Variants in PDE11A observed in about 807,000 individuals in gnomAD.
PDE11A encodes the protein dual 3',5'-cyclic-AMP and -GMP phosphodiesterase 11A.
In PDE11A, 100 loss-of-function variants were observed where a neutral mutation model predicts 100.5. The observed-to-expected ratio is 1.00, with a 90% confidence interval of 0.85 to 1.18. The LOEUF (loss-of-function observed/expected upper bound fraction) is 1.18, where lower values mean the gene tolerates loss of function less well. Among genes scored for constraint, PDE11A ranks in the 50% most tolerant of loss-of-function variants. The probability of loss-of-function intolerance (pLI) is 0.00; values close to 1 mark genes in which losing one functional copy is unlikely to be tolerated. For missense variants in PDE11A, 1,141 were observed against 1,152.6 expected, an observed-to-expected ratio of 0.99 and a Z score of 0.15; for synonymous variants, 381 against 420.8, an observed-to-expected ratio of 0.91 and a Z score of 1.16.
At position 177,641,511 on chromosome 2, in the gene PDE11A, G is replaced by C. The variant is rs944106553; in HGVS notation, c.2647-11949C>G. ...TAGTTACTATATGTGAGAGCAGATG[G>C]AGCTGGCTGTGGAGTCCAGATGGGA... is the stretch of plus-strand genomic sequence containing the variant. On this transcript the variant is annotated intron_variant, in intron 19 of 19. Transcript: ENST00000286063. Among the ~76,000 whole-genome samples, 6 of 151,772 alleles carry C rather than the reference G, an allele frequency of 4.0e-5. 1 individual carries two copies. Among genetic ancestry groups the C allele is most frequent in the Middle Eastern group, 6.4e-3 (2 of 312 alleles).
Position 177,711,810 on chromosome 2 carries a change from A to G in PDE11A, c.2112T>C (p.His704=). The G allele has an allele frequency of 6.2e-7, 1 of 1,611,340 alleles. No individual in the cohort carries two copies. Among genetic ancestry groups the G allele is most frequent in the East Asian group, 2.2e-5 (1 of 44,836 alleles). Residue 704 remains histidine (H), a synonymous_variant, in exon 13 of 20, where the codon CAT becomes CAC. Transcript: ENST00000286063. ...ILAVIVGCLC[H]DLDHRGTNNA... is the part of the protein sequence containing the mutation. ...TGTTGGTTCCCCTGTGGTCGAGGTCATGACACAGGCATCCCACAATCACCG... is the reference window on the plus strand; with the variant it reads ...TGTTGGTTCCCCTGTGGTCGAGGTCGTGACACAGGCATCCCACAATCACCG...
intron 3 of PDE11A, among the ~76,000 whole-genome samples, chr2:177,899,895 C>T (rs1311694294): frequency 6.6e-6 from 1 of 151,218 alleles, no homozygotes; most frequent in South Asian, 2.1e-4. Flanking sequence ...GGAAAGAAAA[C>T]ACATTAATTT....
chr2:177,894,701 C>T (rs2084582101), intron 4 of PDE11A, among the ~76,000 whole-genome samples: 1 of 152,148 alleles, frequency 6.6e-6, no homozygotes, highest in Non-Finnish European at 1.5e-5. Context: ...GACCTAACAC[C>T]ATGTAAGGCA....
At chr2:177,759,279 T>C (rs986993790) in intron 10 of PDE11A, among the ~76,000 whole-genome samples, 1 of 152,158 alleles carries the variant, frequency 6.6e-6, no homozygotes, top group African/African-American at 2.4e-5. Flanking sequence ...AAATTTACCT[T>C]GAGAGTTTTA....
chr2:177,786,985 C>A (rs892038384), intron 9 of PDE11A, among the ~76,000 whole-genome samples: 1 of 146,652 alleles, frequency 6.8e-6, no homozygotes, highest in Non-Finnish European at 1.5e-5. Flanking sequence ...TCCAGGAGAA[C>A]TTCCCCAATC....
At chr2:177,652,500 AT>A (rs990621484) in intron 19 of PDE11A, among the ~76,000 whole-genome samples, 1 of 152,040 alleles carries the variant, frequency 6.6e-6, no homozygotes, top group Non-Finnish European at 1.5e-5. Flanking sequence ...GCCAACTAAG[AT>A]TTTTTTCCTG....
At chr2:178,053,805 G>A (rs1263874018) in intron 1 of PDE11A, among the ~76,000 whole-genome samples, 4 of 152,120 alleles carry the variant, frequency 2.6e-5, no homozygotes, top group Non-Finnish European at 2.9e-5. Flanking sequence ...CAACTTACAA[G>A]GGACGTGAAG....
Position 178,086,668 on chromosome 2 carries a change from T to A in PDE11A, c.162+17634A>T, listed in dbSNP as rs139627664. On this transcript the variant is annotated intron_variant, in intron 2 of 20. Coordinates refer to the PDE11A transcript ENST00000358450. Reference sequence around the variant, plus strand: ...AAAACAGAAAGATTCCATTTAAAAATTTTTATTTTATATGATTGTTGCAGT... The same window carrying A: ...AAAACAGAAAGATTCCATTTAAAAAATTTTATTTTATATGATTGTTGCAGT... Among the ~76,000 whole-genome samples the A allele has an allele frequency of 1.4e-4, 22 of 152,322 alleles. No homozygotes were observed. In the East Asian group the frequency reaches 4.0e-3, roughly 28 times the overall value.
chr2:177,940,499 C>T (rs1284125637), intron 2 of PDE11A, among the ~76,000 whole-genome samples: 1 of 152,180 alleles, frequency 6.6e-6, no homozygotes, highest in Non-Finnish European at 1.5e-5. Context: ...ATTTCAGCAG[C>T]TTCTTGAAGG....
At chr2:178,031,671 GA>G (rs976932629) in intron 1 of PDE11A, among the ~76,000 whole-genome samples, 14 of 151,892 alleles carry the variant, frequency 9.2e-5, no homozygotes, top group Non-Finnish European at 1.8e-4. Context: ...GATTAAATTG[GA>G]AAAAAATATA....
intron 6 of PDE11A, among the ~76,000 whole-genome samples, chr2:177,826,890 A>C (rs1467475148): frequency 1.3e-5 from 2 of 152,260 alleles, no homozygotes; most frequent in Non-Finnish European, 1.5e-5. Flanking sequence ...AACTGAGAGA[A>C]GATTGACAAG....
chr2:178,006,828 G>C lies in PDE11A; in HGVS notation c.1071+7474C>G, dbSNP rs985293274. 6.2e-4 allele frequency among the ~76,000 whole-genome samples: 93 copies of C among 151,058 alleles called. No homozygotes were observed. In the Middle Eastern group the frequency reaches 0.01, roughly 17 times the overall value. On this transcript the variant is annotated intron_variant, in intron 2 of 19. Transcript: ENST00000286063. ...ATTCCATTTCTGTCAAAACAAGGGG[G>C]GGGGGGGAAGCCAATGCATTCCAAC...
intron 5 of PDE11A, among the ~76,000 whole-genome samples, chr2:177,874,978 C>G (rs149615339): frequency 0.019 from 2,860 of 152,274 alleles, 53 homozygotes; most frequent in South Asian, 0.046. Flanking sequence ...AATGCTAGCA[C>G]TTTGGGAGGC....
At chr2:177,769,917 G>A (rs994298690) in intron 9 of PDE11A, among the ~76,000 whole-genome samples, 3 of 148,360 alleles carry the variant, frequency 2.0e-5, no homozygotes, top group Non-Finnish European at 4.5e-5. Flanking sequence ...AAGGCATGCT[G>A]TGGCTCAAAA....
At chr2:177,986,856 A>G (rs981028382) in intron 2 of PDE11A, among the ~76,000 whole-genome samples, 1 of 152,006 alleles carries the variant, frequency 6.6e-6, no homozygotes, top group Non-Finnish European at 1.5e-5. Context: ...GAATGGGGAT[A>G]ATAATGGTAT....
intron 5 of PDE11A, among the ~76,000 whole-genome samples, chr2:177,857,936 G>A (rs1217303244): frequency 3.3e-5 from 5 of 151,866 alleles, no homozygotes; most frequent in Non-Finnish European, 5.9e-5. Context: ...ACGGTTACTA[G>A]AGATAAAGAA....
chr2:177,881,178 G>A (rs1421310908), intron 4 of PDE11A, among the ~76,000 whole-genome samples: 1 of 152,004 alleles, frequency 6.6e-6, no homozygotes, highest in African/African-American at 2.4e-5. Flanking sequence ...CAGACACTGG[G>A]ACTCCTGATT....
intron 3 of PDE11A, among the ~76,000 whole-genome samples, chr2:177,898,955 T>C (rs2084656607): frequency 6.6e-6 from 1 of 152,188 alleles, no homozygotes; most frequent in Non-Finnish European, 1.5e-5. Flanking sequence ...GGAGTCTGTA[T>C]CTCCCGAATT....
At chr2:177,944,428 G>A (rs536896669) in intron 2 of PDE11A, among the ~76,000 whole-genome samples, 2 of 152,076 alleles carry the variant, frequency 1.3e-5, no homozygotes, top group Non-Finnish European at 2.9e-5. Flanking sequence ...CAACAGATAG[G>A]GTGCCCTCTA....
Sources: allele counts gnomAD v4.1 joint callset (sites outside exome capture counted in the v4.1 genomes callset), GRCh38; gene constraint gnomAD v4.1.1; transcripts MANE v1.5; gene names NCBI Gene and HGNC (gene_info 2026-07-23, HGNC 2026-07-21).